The following C19orf47 variants were observed in gnomAD, a reference collection of about 807,000 sequenced individuals.
The protein encoded by C19orf47 is chromosome 19 open reading frame 47.
C19orf47 carries 18 observed loss-of-function variants against 32.3 expected under a neutral mutation model. The observed-to-expected ratio is 0.56, with a 90% CI of 0.39 to 0.83. C19orf47 has a LOEUF of 0.83. Ranked by LOEUF, C19orf47 falls within the 40% of genes least tolerant of loss-of-function variation. C19orf47 has a pLI of 0.00. For missense variants in C19orf47, 484 were observed against 531.6 expected, an observed-to-expected ratio of 0.91 and a Z score of 0.88; for synonymous variants, 202 against 211.1, an observed-to-expected ratio of 0.96 and a Z score of 0.37.
chr19:40,348,403 G>GCCCGGGCTGCCCGC, upstream of C19orf47: 2 of 1,480,058 alleles, frequency 1.4e-6, no homozygotes, highest in East Asian at 5.8e-5. Context: ...TCCTCCCCCG[G>GCCCGGGCTGCCCGC]CCCGGGCTGC....
chr19:40,313,861 G>T, the C19orf47 span, among the ~76,000 whole-genome samples: 1 of 151,682 alleles, frequency 6.6e-6, no homozygotes, highest in Non-Finnish European at 1.5e-5. Flanking sequence ...CCAGCTACTC[G>T]GGAGGCAGAG....
chr19:40,307,496 T>C, the C19orf47 span, among the ~76,000 whole-genome samples: 1 of 152,124 alleles, frequency 6.6e-6, no homozygotes, highest in Non-Finnish European at 1.5e-5. Flanking sequence ...CCTCCTGGGC[T>C]CAAGGGATCC....
chr19:40,301,380 G>A, the C19orf47 span, among the ~76,000 whole-genome samples: 16,032 of 146,950 alleles, frequency 0.11, 1,218 homozygotes, highest in African/African-American at 0.22. Flanking sequence ...TCGCTCTGTC[G>A]CCCAGGCTGG....
At chr19:40,338,821 G>A (rs2078121648) in intron 2 of C19orf47, among the ~76,000 whole-genome samples, 1 of 152,180 alleles carries the variant, frequency 6.6e-6, no homozygotes, top group South Asian at 2.1e-4. Flanking sequence ...CCCTGCTAAG[G>A]TATGGGGTTT....
At chr19:40,338,298 TATATATACAC>T (rs1324696841) in intron 2 of C19orf47, among the ~76,000 whole-genome samples, 3 of 135,632 alleles carry the variant, frequency 2.2e-5, no homozygotes, top group East Asian at 2.3e-4. Context: ...CACAAATATA[TATATATACAC>T]ATATATATAC....
chr19:40,297,067 C>A, the C19orf47 span, among the ~76,000 whole-genome samples: 1 of 152,046 alleles, frequency 6.6e-6, no homozygotes, highest in Non-Finnish European at 1.5e-5. Context: ...GGAAGTAATC[C>A]AAATGCTTTT....
In C19orf47 at chr19:40,322,163, G is replaced by A. The variant is rs113030113; in HGVS notation, c.877C>T (p.Arg293Trp). ...GACCGTGAGGAAAGCGCCAGGCGCC[G>A]CAGTGTCGGGGCAGCAGCCGTTGTC... ...SATTAAAPTL[R>W]RLALSSRSGL... The change falls in exon 9 of 9, where the codon CGG becomes TGG. Residue 293 changes from arginine (R) to tryptophan (W), a missense_variant. Arg to Trp is a moderately radical substitution (Grantham distance 101). Around this residue, in one of 3 missense-constraint regions of C19orf47, gnomAD observed 376 missense variants for 370.2 expected, o/e 1.02. Coordinates refer to ENST00000683109, the MANE Select transcript of C19orf47 (RefSeq NM_001256441.2). 13 of 1,613,080 alleles carry A rather than the reference G, an allele frequency of 8.1e-6. No homozygotes were observed. Among genetic ancestry groups the A allele is most frequent in the Middle Eastern group, 1.6e-4 (1 of 6,084 alleles).
chr19:40,341,719 T>C (rs1276580754), intron 2 of C19orf47, 120 bp downstream of exon 2: 1 of 1,423,744 alleles, frequency 7.0e-7, no homozygotes, highest in Non-Finnish European at 9.4e-7. Flanking sequence ...GTCCTCAGAG[T>C]ACAGCTGTTC....
intron 1 of C19orf47, among the ~76,000 whole-genome samples, chr19:40,345,552 A>C (rs1488425968): frequency 1.3e-5 from 2 of 151,192 alleles, no homozygotes; most frequent in Admixed American, 6.6e-5. Flanking sequence ...AAAAAAAAAA[A>C]AAAAAAAAAC....
the C19orf47 span, among the ~76,000 whole-genome samples, chr19:40,309,139 A>G: frequency 6.6e-6 from 1 of 151,986 alleles, no homozygotes; most frequent in South Asian, 2.1e-4. Context: ...TCCTCCAGTG[A>G]TAATGGCTAG....
At chr19:40,294,863 C>A in the C19orf47 span, among the ~76,000 whole-genome samples, 2 of 152,286 alleles carry the variant, frequency 1.3e-5, no homozygotes, top group East Asian at 3.9e-4. Context: ...TGTCCCAGTC[C>A]GTAGGGCTTT....
intron 5 of C19orf47, 140 bp from the exon 6 acceptor site, chr19:40,328,690 GTACTC>G: frequency 8.5e-7 from 1 of 1,171,626 alleles, no homozygotes; most frequent in Non-Finnish European, 1.2e-6. Context: ...TAACTGCATG[GTACTC>G]GTGATGGGGA....
rs568140360 is a variant in C19orf47, at chr19:40,327,312, C to T, written c.440-826G>A. On this transcript the variant is annotated intron_variant, in intron 6 of 8. Coordinates refer to ENST00000683109, the MANE Select transcript of C19orf47 (RefSeq NM_001256441.2). ...TACAGGTGTGAGCCACCCCGCCCAGCCTTTTTTTTTTTTTTTTTAAATGTA... is the reference window on the plus strand; with the variant it reads ...TACAGGTGTGAGCCACCCCGCCCAGTCTTTTTTTTTTTTTTTTTAAATGTA... Among the ~76,000 whole-genome samples the T allele has an allele frequency of 2.4e-4, 35 of 148,540 alleles. 1 individual carries two copies. The highest frequency in any genetic ancestry group is 8.4e-4 in the African/African-American group (34 of 40,480).
chr19:40,313,424 A>C, the C19orf47 span, among the ~76,000 whole-genome samples: 6 of 152,128 alleles, frequency 3.9e-5, no homozygotes, highest in African/African-American at 1.4e-4. Flanking sequence ...TGTTGCGCTC[A>C]AGTGATCCTC....
chr19:40,305,906 T>C, the C19orf47 span, among the ~76,000 whole-genome samples: 85 of 152,120 alleles, frequency 5.6e-4, no homozygotes, highest in African/African-American at 2.0e-3. Flanking sequence ...CCCAGCACTT[T>C]GGGAGGCTGA....
the C19orf47 span, among the ~76,000 whole-genome samples, chr19:40,312,662 T>C: frequency 6.6e-6 from 1 of 152,178 alleles, no homozygotes. Context: ...TGTGTAGGCA[T>C]TCTGGCTGGC....
chr19:40,294,309 C>G, the C19orf47 span, among the ~76,000 whole-genome samples: 1 of 152,132 alleles, frequency 6.6e-6, no homozygotes, highest in East Asian at 1.9e-4. Flanking sequence ...TAGAGTCCAG[C>G]GGAAGCAAGA....
intron 7 of C19orf47, 66 bp from the exon 8 acceptor site, chr19:40,324,142 A>C: frequency 6.6e-7 from 1 of 1,522,680 alleles, no homozygotes; most frequent in African/African-American, 1.4e-5. Context: ...AGCTCTGTAC[A>C]GACACCAAGG....
At chr19:40,326,257 G>A in intron 7 of C19orf47, 77 bp downstream of exon 7, 1 of 1,572,052 alleles carries the variant, frequency 6.4e-7, no homozygotes, top group Non-Finnish European at 8.6e-7. Flanking sequence ...ACCGTCTGTA[G>A]GATATGACGG....
Sources: gnomAD v4.1 joint callset for allele counts (sites outside exome capture counted in the v4.1 genomes callset) on GRCh38, gnomAD v4.1.1 for gene constraint, gnomAD v4.1.1 regional missense constraint, MANE v1.5 for transcripts, NCBI Gene and HGNC (gene_info 2026-07-23, HGNC 2026-07-21) for gene names.